MKLN1: variants seen among roughly 807,000 people sequenced by gnomAD.
MKLN1 encodes muskelin.
Under a neutral mutation model 99.0 loss-of-function variants are expected in MKLN1, and 18 were observed. That is an observed-to-expected ratio of 0.18 (90% CI 0.13 to 0.27). The LOEUF (loss-of-function observed/expected upper bound fraction) is 0.27, where lower values mean the gene tolerates loss of function less well. Among genes scored for constraint, MKLN1 ranks in the 10% least tolerant of loss-of-function variants. MKLN1 has a pLI of 1.00. For synonymous variants in MKLN1, 288 were observed against 293.2 expected (o/e 0.98, Z 0.18); for missense variants, 621 against 875.9 (o/e 0.71, Z 3.67).
rs377639614 is a variant in MKLN1, at chr7:131,411,430, G to T, written c.781+47G>T. 5 of 1,277,680 alleles carry T rather than the reference G, an allele frequency of 3.9e-6. No individual in the cohort carries two copies. In the African/African-American group the frequency reaches 7.3e-5, roughly 19 times the overall value. The allele number at this position is 1,277,680 out of a possible 1,614,324, so 79.1% of individuals were successfully genotyped here. On this transcript the variant is annotated intron_variant, in intron 7 of 17. Transcript: ENST00000352689. Reference sequence around the variant, plus strand: ...GTAGTTCTTTTTCATTAATGTCTCAGTCTTCAGTTTTCCCAAGGTAGTTCA... The same window carrying T: ...GTAGTTCTTTTTCATTAATGTCTCATTCTTCAGTTTTCCCAAGGTAGTTCA...
intron 2 of MKLN1, among the ~76,000 whole-genome samples, chr7:131,173,590 A>T (rs117495561): frequency 6.6e-6 from 1 of 152,250 alleles, no homozygotes; most frequent in African/African-American, 2.4e-5. Context: ...GTGGTCATGC[A>T]TGCCTGCAAT....
intron 12 of MKLN1, 21 bp from the exon 13 acceptor site, chr7:131,463,193 CTTA>C: frequency 6.4e-7 from 1 of 1,561,842 alleles, no homozygotes; most frequent in Non-Finnish European, 8.8e-7. Context: ...ATATTTTCAT[CTTA>C]TTTTTTTCTT....
intron 3 of MKLN1, among the ~76,000 whole-genome samples, chr7:131,238,348 A>T (rs1400974956): frequency 1.3e-5 from 2 of 152,192 alleles, no homozygotes; most frequent in Non-Finnish European, 2.9e-5. Flanking sequence ...TTGCCTCAGG[A>T]GGTGTTCATG....
At chr7:131,287,629 G>C (rs1798152318) in intron 3 of MKLN1, among the ~76,000 whole-genome samples, 1 of 152,154 alleles carries the variant, frequency 6.6e-6, no homozygotes, top group Non-Finnish European at 1.5e-5. Context: ...CCAGGTTCCA[G>C]AGATTCGGCT....
intron 9 of MKLN1, among the ~76,000 whole-genome samples, chr7:131,434,021 C>G (rs1229854819): frequency 6.6e-6 from 1 of 151,744 alleles, no homozygotes; most frequent in Non-Finnish European, 1.5e-5. Context: ...GTAGCTGAGA[C>G]TACACCGAGT....
At chr7:131,262,542 TTTTTCTTTTC>T (rs941919014) in intron 3 of MKLN1, among the ~76,000 whole-genome samples, 2 of 152,066 alleles carry the variant, frequency 1.3e-5, no homozygotes, top group African/African-American at 2.4e-5. Context: ...ATTATGTTTT[TTTTTCTTTTC>T]TTTTCTTTTC....
intron 3 of MKLN1, among the ~76,000 whole-genome samples, chr7:131,236,306 A>G (rs1051083978): frequency 5.3e-5 from 8 of 152,204 alleles, no homozygotes; most frequent in African/African-American, 1.9e-4. Flanking sequence ...CAACACACAA[A>G]ACAAAGCTTT....
rs60323728 is a variant in MKLN1 at position 131,376,095 on chromosome 7, AATATATATATATATATATATATAT to A, written c.168+619_168+642del. ...TTTTAATTGTAGTATAATTCATGGA[AATATATATATATATATATATATAT>A]ATATATATATATATATGTATGATGT... is the stretch of plus-strand genomic sequence containing the variant. On this transcript the variant is annotated intron_variant, in intron 2 of 17. Coordinates refer to ENST00000352689, the MANE Select transcript of MKLN1 (RefSeq NM_013255.5). Among the ~76,000 whole-genome samples the A allele has an allele frequency of 7.3e-3, 787 of 108,078 alleles. 22 individuals are homozygous for A. Among genetic ancestry groups the A allele is most frequent in the African/African-American group, 0.026 (736 of 28,220 alleles). 70.9% of individuals were successfully genotyped at this position (108,078 alleles called of 152,430 possible).
At chr7:131,456,789 CCTCT>C (rs1363822913) in intron 12 of MKLN1, among the ~76,000 whole-genome samples, 1 of 152,080 alleles carries the variant, frequency 6.6e-6, no homozygotes, top group Non-Finnish European at 1.5e-5. Flanking sequence ...TATGACTTTT[CCTCT>C]CTATTTTCCT....
intron 1 of MKLN1, among the ~76,000 whole-genome samples, chr7:131,356,461 C>G (rs753803444): frequency 6.6e-6 from 1 of 152,082 alleles, no homozygotes; most frequent in Non-Finnish European, 1.5e-5. Flanking sequence ...AGTCCAAGAC[C>G]CCAAATCTTT....
intron 3 of MKLN1, among the ~76,000 whole-genome samples, chr7:131,313,399 G>A (rs1344864047): frequency 6.6e-6 from 1 of 151,986 alleles, no homozygotes; most frequent in African/African-American, 2.4e-5. Context: ...GTGAACTGAG[G>A]TAAGAAAAAC....
intron 1 of MKLN1, among the ~76,000 whole-genome samples, chr7:131,330,173 G>T (rs953004279): frequency 6.6e-6 from 1 of 152,118 alleles, no homozygotes; most frequent in Non-Finnish European, 1.5e-5. Context: ...TGTAGGAAAG[G>T]GGTTGACTTT....
At chr7:131,437,173 C>T (rs1415121890) in intron 9 of MKLN1, among the ~76,000 whole-genome samples, 1 of 151,944 alleles carries the variant, frequency 6.6e-6, no homozygotes, top group Non-Finnish European at 1.5e-5. Flanking sequence ...TTGCTGCACC[C>T]ATCAACTCAT....
intron 2 of MKLN1, among the ~76,000 whole-genome samples, chr7:131,150,391 G>C (rs1183339195): frequency 6.6e-6 from 1 of 152,164 alleles, no homozygotes; most frequent in Non-Finnish European, 1.5e-5. Flanking sequence ...GGAGGCTGAA[G>C]TGAAAGGATC....
chr7:131,140,116 C>T (rs189365363), intron 1 of MKLN1, among the ~76,000 whole-genome samples: 2 of 152,306 alleles, frequency 1.3e-5, no homozygotes, highest in East Asian at 3.9e-4. Context: ...CTGCTGCCTC[C>T]CCGGACCCTG....
At chr7:131,376,127 TATATATATGTATG>T (rs1321301767) in intron 2 of MKLN1, among the ~76,000 whole-genome samples, 9 of 204 alleles carry the variant, frequency 0.044, no homozygotes, top group African/African-American at 0.083. Flanking sequence ...TATATATATA[TATATATATGTATG>T]ATGTATGTAT....
intron 1 of MKLN1, among the ~76,000 whole-genome samples, chr7:131,346,780 A>C (rs1799575653): frequency 6.6e-6 from 1 of 152,252 alleles, no homozygotes; most frequent in Non-Finnish European, 1.5e-5. Flanking sequence ...TTTTGGGCCT[A>C]GGCCCAAAGT....
chr7:131,337,727 A>G lies in MKLN1; in HGVS notation c.98+9730A>G, dbSNP rs527368389. The stretch of plus-strand genomic sequence containing the variant: ...GCATCTTGTTAGGCCAAATAATAAT[A>G]ATAGTTAATATATTTGTATATTAAT... On this transcript the variant is annotated intron_variant, in intron 1 of 17. Coordinates refer to ENST00000352689, the MANE Select transcript of MKLN1 (RefSeq NM_013255.5). Among the ~76,000 whole-genome samples, 17 of 150,930 alleles carry G rather than the reference A, an allele frequency of 1.1e-4. No homozygotes were observed. In the East Asian group the frequency reaches 3.1e-3, roughly 28 times the overall value.
At chr7:131,257,841 CG>C (rs1216158857) in intron 3 of MKLN1, among the ~76,000 whole-genome samples, 1 of 151,982 alleles carries the variant, frequency 6.6e-6, no homozygotes, top group Non-Finnish European at 1.5e-5. Context: ...AAGCAGAGAC[CG>C]GGTGTGGTGG....
Sources: gnomAD v4.1 joint callset for allele counts (sites outside exome capture counted in the v4.1 genomes callset) on GRCh38, gnomAD v4.1.1 for gene constraint, MANE v1.5 for transcripts, NCBI Gene and HGNC (gene_info 2026-07-23, HGNC 2026-07-21) for gene names.